PP2D1: variants seen among roughly 807,000 people sequenced by gnomAD.
The protein encoded by PP2D1 is protein phosphatase 2C-like domain-containing protein 1.
In PP2D1, 25 loss-of-function variants were observed where a neutral mutation model predicts 30.2. That is an observed-to-expected ratio of 0.83 (90% confidence interval 0.60 to 1.16). The LOEUF (loss-of-function observed/expected upper bound fraction) is 1.16, where lower values mean the gene tolerates loss of function less well. Ranked by LOEUF, PP2D1 falls within the 50% of genes most tolerant of loss-of-function variation. The pLI, the probability that PP2D1 is intolerant of heterozygous loss-of-function variation, is 0.00. For synonymous variants in PP2D1, 260 were observed against 258.9 expected, an observed-to-expected ratio of 1.00 and a Z score of -0.04; for missense variants, 760 against 742.4, an observed-to-expected ratio of 1.02 and a Z score of -0.28.
In PP2D1 at chr3:20,001,142, A is replaced by C. The variant is rs1697245347; in HGVS notation, c.978T>G (p.Pro326=). 1 of 1,463,966 alleles carries C rather than the reference A, an allele frequency of 6.8e-7. No individual in the cohort carries two copies. Among genetic ancestry groups the C allele is most frequent in the Admixed American group, 2.6e-5 (1 of 38,610 alleles). The allele number at this position is 1,463,966 out of a possible 1,614,324, so 90.7% of individuals were successfully genotyped here. A position where few individuals can be genotyped will look rare whatever the true frequency, so the allele number is the denominator to read the frequency against. The change falls in exon 2 of 3, where the codon CCT becomes CCG. Residue 326 remains proline (P), a synonymous_variant. Coordinates refer to ENST00000389050, the MANE Select transcript of PP2D1 (RefSeq NM_001252657.2). ...TCILEGKPKS[P]YAHKNWKRKN... is the part of the protein sequence containing the mutation. Reference sequence around the variant, plus strand: ...TTCTTTTCCAATTCTTATGAGCATAAGGACTTTTAGGTTTGCCTTCCAATA... The same window carrying C: ...TTCTTTTCCAATTCTTATGAGCATACGGACTTTTAGGTTTGCCTTCCAATA...
At chr3:20,011,610 C>T (rs557309195) in intron 1 of PP2D1, among the ~76,000 whole-genome samples, 14 of 152,086 alleles carry the variant, frequency 9.2e-5, no homozygotes, top group Admixed American at 5.9e-4. Context: ...ACCAGCCTGG[C>T]CAACATAGTG....
chr3:19,984,831 C>G (rs975464992), downstream of PP2D1: 1 of 152,856 alleles, frequency 6.5e-6, no homozygotes, highest in South Asian at 2.1e-4. Flanking sequence ...TCTCTCTCCC[C>G]CTTTGACAGG....
intron 1 of PP2D1, among the ~76,000 whole-genome samples, chr3:20,010,075 A>G (rs1235686640): frequency 6.6e-6 from 1 of 151,946 alleles, no homozygotes; most frequent in Non-Finnish European, 1.5e-5. Flanking sequence ...TGTTTCATCT[A>G]TATCCCCATC....
chr3:19,985,028 A>G (rs1697006023), downstream of PP2D1: 2 of 202,944 alleles, frequency 9.9e-6, no homozygotes, highest in Non-Finnish European at 2.0e-5. Flanking sequence ...GAAAGCTACC[A>G]TGTGTCAGAG....
At chr3:19,988,251 C>T (rs976605663) in intron 2 of PP2D1, among the ~76,000 whole-genome samples, 11 of 152,064 alleles carry the variant, frequency 7.2e-5, no homozygotes, top group Non-Finnish European at 1.0e-4. Context: ...GGAGAAATAC[C>T]GCTCAATTCT....
intron 2 of PP2D1, among the ~76,000 whole-genome samples, chr3:19,997,468 T>G (rs564842215): frequency 6.6e-6 from 1 of 152,090 alleles, no homozygotes. Context: ...TTATCAACAA[T>G]GTTGGAGATG....
At chr3:20,002,178 G>T in intron 1 of PP2D1, 82 bp from the exon 2 acceptor site, 1 of 844,812 alleles carries the variant, frequency 1.2e-6, no homozygotes. Context: ...ATTGCAATTT[G>T]ATTTGGCTCC....
rs372938725 is a variant in PP2D1 at position 19,986,343 on chromosome 3, AT to A, written c.1091-162del. ...ATGTGTAATATATCACTACTGAATG[AT>A]TTACAGTAAATACAGATTTCAAACA... On this transcript the variant is annotated intron_variant, in intron 2 of 2. Transcript: ENST00000389050. Among the ~76,000 whole-genome samples the A allele has an allele frequency of 1.6e-4, 25 of 152,316 alleles. No individual in the cohort carries two copies. In the East Asian group the frequency reaches 4.8e-3, roughly 29 times the overall value.
In PP2D1 at chr3:20,001,735, G is replaced by C; in HGVS notation, c.385C>G (p.Gln129Glu). Residue 129 changes from glutamine (Q) to glutamate (E), a missense_variant, in exon 2 of 3, where the codon CAG becomes GAG. By Grantham distance (29) the Gln-to-Glu change is conservative. Around this residue, in one of 3 missense-constraint regions of PP2D1, gnomAD observed 374 missense variants for 388.8 expected, o/e 0.96. Transcript: ENST00000389050. ...SSFMFTEKTL[Q>E]SINNAFELLW... ...AGCTCAAAAGCATTATTAATGCTCT[G>C]TAGGGTTTTTTCAGTGAACATAAAA... The C allele has an allele frequency of 6.5e-7, 1 of 1,531,716 alleles. No homozygotes were observed. The highest frequency in any genetic ancestry group is 8.7e-7 in the Non-Finnish European group (1 of 1,145,098). 94.9% of individuals were successfully genotyped at this position (1,531,716 alleles called of 1,614,324 possible).
At chr3:19,982,817 G>A (rs1696956100), downstream of PP2D1, among the ~76,000 whole-genome samples, 1 of 152,016 alleles carries the variant, frequency 6.6e-6, no homozygotes, top group African/African-American at 2.4e-5. Context: ...CAAAGGCTGT[G>A]GAAGCCAGGA....
rs1336720080 is a variant in PP2D1 at position 19,985,609 on chromosome 3, G to A, written c.1664C>T (p.Ala555Val). The A allele has an allele frequency of 1.3e-6, 2 of 1,535,294 alleles. No individual in the cohort carries two copies. Among genetic ancestry groups the A allele is most frequent in the South Asian group, 1.2e-5 (1 of 84,054 alleles). The change falls in exon 3 of 3, where the codon GCA becomes GTA. Residue 555 changes from alanine (A) to valine (V), a missense_variant. By Grantham distance (64) the Ala-to-Val change is moderately conservative (BLOSUM62 0). Coordinates refer to ENST00000389050, the MANE Select transcript of PP2D1 (RefSeq NM_001252657.2). Reference sequence around the variant, plus strand: ...GCAAGGTTTACGATGAGTCGTTTCTGCTGGAAATGTTTCTACATTCTCAGG... The same window carrying A: ...GCAAGGTTTACGATGAGTCGTTTCTACTGGAAATGTTTCTACATTCTCAGG... ...YNPENVETFP[A>V]ETTHRKPCSE...
chr3:20,009,954 AT>A (rs141528670), intron 1 of PP2D1, among the ~76,000 whole-genome samples: 57 of 151,434 alleles, frequency 3.8e-4, no homozygotes, highest in African/African-American at 1.3e-3. Flanking sequence ...CTCACCAACG[AT>A]TTTTTTTTCC....
At chr3:19,981,110 T>C (rs865786750), downstream of PP2D1, among the ~76,000 whole-genome samples, 8 of 152,272 alleles carry the variant, frequency 5.3e-5, no homozygotes, top group South Asian at 8.3e-4. Context: ...TCAGTACTCT[T>C]AGTCATCTTT....
downstream of PP2D1, chr3:19,983,797 AC>A: frequency 6.2e-7 from 1 of 1,608,958 alleles, no homozygotes; most frequent in Non-Finnish European, 8.5e-7. Context: ...CACACAACCA[AC>A]CAGGAATCAG....
Position 20,001,605 on chromosome 3 carries a change from C to G in PP2D1, c.515G>C (p.Gly172Ala). The change falls in exon 2 of 3, where the codon GGC becomes GCC. Residue 172 changes from glycine to alanine, a missense_variant. Coordinates refer to ENST00000389050, the MANE Select transcript of PP2D1 (RefSeq NM_001252657.2). ...TGTAGAATTCCTGTCTTCACAAATG[C>G]CCACTCCTTTAATTAACAGATGACA... Reference protein sequence around the residue: ...KICHLLIKGVGICEDRNSTWK... With the variant: ...KICHLLIKGVAICEDRNSTWK... The G allele has an allele frequency of 2.6e-6, 4 of 1,536,348 alleles. No homozygotes were observed. Among genetic ancestry groups the G allele is most frequent in the Non-Finnish European group, 3.5e-6 (4 of 1,146,918 alleles).
At position 20,001,356 on chromosome 3, in the gene PP2D1, AAC is replaced by A. The variant is rs766720647; in HGVS notation, c.762_763del (p.Phe255Ter). 9.2e-5 allele frequency: 142 copies of A among 1,536,180 alleles called. 1 individual carries two copies. The East Asian group carries it at 3.4e-3, about 37-fold the overall frequency. On this transcript the variant is annotated frameshift_variant, in exon 2 of 3. Transcript: ENST00000389050. LOFTEE classifies it high-confidence loss of function. ...TTCTATTGCTGCGTATTCTTCTCTA[AAC>A]ACAGTGTAAAAGGAATTGATTATTT...
intron 2 of PP2D1, among the ~76,000 whole-genome samples, chr3:19,988,598 T>A (rs1697073838): frequency 6.6e-6 from 1 of 152,176 alleles, no homozygotes. Context: ...AAGCATGTGA[T>A]CTCTGTGACC....
At chr3:19,987,899 G>A (rs563972078) in intron 2 of PP2D1, among the ~76,000 whole-genome samples, 11 of 152,120 alleles carry the variant, frequency 7.2e-5, no homozygotes, top group African/African-American at 9.7e-5. Flanking sequence ...AATTTCTTAC[G>A]CATGTCTTTA....
At chr3:19,992,362 C>T (rs775519671) in intron 2 of PP2D1, among the ~76,000 whole-genome samples, 2 of 151,890 alleles carry the variant, frequency 1.3e-5, no homozygotes, top group African/African-American at 2.4e-5. Context: ...TCAAAAAAAA[C>T]GGAGAAGGGG....
Sources: gnomAD v4.1 joint callset for allele counts (sites outside exome capture counted in the v4.1 genomes callset) on GRCh38, gnomAD v4.1.1 for gene constraint, gnomAD v4.1.1 regional missense constraint, MANE v1.5 for transcripts, NCBI Gene and HGNC (gene_info 2026-07-23, HGNC 2026-07-21) for gene names.